Variants in KCND2 observed in about 807,000 individuals in gnomAD.
The protein encoded by KCND2 is A-type voltage-gated potassium channel KCND2.
In KCND2, 16 loss-of-function variants were observed where a neutral mutation model predicts 54.4. That is an observed-to-expected ratio of 0.29 (90% CI 0.20 to 0.45). The LOEUF is 0.45. Among genes scored for constraint, KCND2 ranks in the 20% least tolerant of loss-of-function variants. The pLI is 1.00. For missense variants in KCND2, 486 were observed against 824.2 expected (o/e 0.59, Z 5.02); for synonymous variants, 317 against 310.7 (o/e 1.02, Z -0.21).
intron 1 of KCND2, among the ~76,000 whole-genome samples, chr7:120,673,436 C>T (rs1396913949): frequency 2.6e-5 from 4 of 152,008 alleles, no homozygotes; most frequent in Admixed American, 2.6e-4. Flanking sequence ...ATACAGCTTC[C>T]CAACCAGTTT....
chr7:120,432,439 G>A (rs1004069580), intron 1 of KCND2, among the ~76,000 whole-genome samples: 1 of 151,962 alleles, frequency 6.6e-6, no homozygotes, highest in Non-Finnish European at 1.5e-5. Context: ...TTTTGGGGAG[G>A]CATGTGGTAA....
intron 1 of KCND2, among the ~76,000 whole-genome samples, chr7:120,553,566 C>T (rs867398578): frequency 2.0e-5 from 3 of 152,094 alleles, no homozygotes; most frequent in Admixed American, 6.6e-5. Context: ...TCTTGCAATA[C>T]CTTCTGTATA....
chr7:120,591,455 A>G (rs912249102), intron 1 of KCND2, among the ~76,000 whole-genome samples: 1 of 152,222 alleles, frequency 6.6e-6, no homozygotes, highest in Non-Finnish European at 1.5e-5. Context: ...GAAGATAATA[A>G]CACCACTACA....
At chr7:120,417,728 A>G (rs1801544789) in intron 1 of KCND2, among the ~76,000 whole-genome samples, 2 of 152,226 alleles carry the variant, frequency 1.3e-5, no homozygotes, top group East Asian at 3.9e-4. Flanking sequence ...AAGCTCAGCT[A>G]AGAATACATC....
chr7:120,587,871 C>T (rs1792619844), intron 1 of KCND2, among the ~76,000 whole-genome samples: 1 of 152,164 alleles, frequency 6.6e-6, no homozygotes, highest in Admixed American at 6.5e-5. Context: ...TTCATAAATT[C>T]AACAGGCACC....
At chr7:120,485,346 TA>T (rs1802678289) in intron 1 of KCND2, among the ~76,000 whole-genome samples, 1 of 152,202 alleles carries the variant, frequency 6.6e-6, no homozygotes, top group Non-Finnish European at 1.5e-5. Flanking sequence ...TGCCCAGAGT[TA>T]ATTATCCTGG....
intron 1 of KCND2, among the ~76,000 whole-genome samples, chr7:120,286,976 G>A (rs1357548954): frequency 2.0e-5 from 3 of 151,864 alleles, no homozygotes; most frequent in Non-Finnish European, 4.4e-5. Flanking sequence ...AATTCCTGGT[G>A]GACAAAGAAA....
chr7:120,426,911 C>T (rs970359458), intron 1 of KCND2, among the ~76,000 whole-genome samples: 5 of 152,134 alleles, frequency 3.3e-5, no homozygotes, highest in East Asian at 1.9e-4. Flanking sequence ...TGAGCCACCG[C>T]GCCCGGCCCA....
At chr7:120,512,290 TGTG>T (rs888429056) in intron 1 of KCND2, among the ~76,000 whole-genome samples, 55 of 152,172 alleles carry the variant, frequency 3.6e-4, no homozygotes, top group African/African-American at 1.3e-3. Flanking sequence ...TAAGTAATAA[TGTG>T]GTAAGTATAT....
At chr7:120,511,794 T>C (rs752074610) in intron 1 of KCND2, among the ~76,000 whole-genome samples, 38 of 152,130 alleles carry the variant, frequency 2.5e-4, no homozygotes, top group Non-Finnish European at 4.6e-4. Context: ...AAGATACTAA[T>C]TTAGAGTTAT....
At chr7:120,588,577 G>A (rs750885829) in intron 1 of KCND2, among the ~76,000 whole-genome samples, 2 of 152,096 alleles carry the variant, frequency 1.3e-5, no homozygotes, top group African/African-American at 2.4e-5. Context: ...TCACCCTGCT[G>A]TTTACTGGGG....
chr7:120,547,110 A>G (rs572030729), intron 1 of KCND2, among the ~76,000 whole-genome samples: 1 of 152,132 alleles, frequency 6.6e-6, no homozygotes, highest in South Asian at 2.1e-4. Flanking sequence ...TAAAGTATAA[A>G]ATATATGTAG....
intron 1 of KCND2, among the ~76,000 whole-genome samples, chr7:120,369,370 A>G (rs1475463873): frequency 1.3e-5 from 2 of 152,062 alleles, no homozygotes; most frequent in Non-Finnish European, 2.9e-5. Context: ...TACTATTTTA[A>G]TCTTCAAAAA....
chr7:120,682,840 A>C (rs1387735978), intron 1 of KCND2, among the ~76,000 whole-genome samples: 2 of 152,180 alleles, frequency 1.3e-5, no homozygotes, highest in Non-Finnish European at 2.9e-5. Context: ...CAGCAACTTA[A>C]GAATGCTTGT....
chr7:120,440,517 C>T (rs1421072772), intron 1 of KCND2, among the ~76,000 whole-genome samples: 1 of 151,910 alleles, frequency 6.6e-6, no homozygotes, highest in African/African-American at 2.4e-5. Context: ...TCTATGTTGG[C>T]TTTTTTAGTC....
At position 120,650,644 on chromosome 7, in the gene KCND2, T is replaced by C. The variant is rs1183148313; in HGVS notation, c.1116-82259T>C. On this transcript the variant is annotated intron_variant, in intron 1 of 5. Transcript: ENST00000331113. ...AAAGTCATTCTCTGTCCAGCTTTGT[T>C]CCATTGCTGGCGAGGAGCTGCGTTC... 2.8e-5 allele frequency among the ~76,000 whole-genome samples: 4 copies of C among 144,144 alleles called. 1 individual carries two copies. The highest frequency in any genetic ancestry group is 5.4e-5 in the African/African-American group (2 of 36,896). 94.6% of individuals were successfully genotyped at this position (144,144 alleles called of 152,430 possible). A position where few individuals can be genotyped will look rare whatever the true frequency, so the allele number is the denominator to read the frequency against.
intron 1 of KCND2, among the ~76,000 whole-genome samples, chr7:120,449,051 C>T (rs140231565): frequency 1.3e-4 from 20 of 152,230 alleles, no homozygotes; most frequent in African/African-American, 4.6e-4. Context: ...TTTTCTCAGC[C>T]AGGCGCGGTG....
chr7:120,645,675 T>C (rs1352621312), intron 1 of KCND2, among the ~76,000 whole-genome samples: 3 of 150,876 alleles, frequency 2.0e-5, no homozygotes, highest in Non-Finnish European at 4.4e-5. Context: ...CCACTGACAA[T>C]TGGCATGCTA....
intron 1 of KCND2, among the ~76,000 whole-genome samples, chr7:120,636,321 A>G (rs1262331812): frequency 6.6e-6 from 1 of 152,094 alleles, no homozygotes; most frequent in African/African-American, 2.4e-5. Context: ...AGGTTTACTT[A>G]AAGGAAGAAC....
Sources: allele counts gnomAD v4.1 joint callset (sites outside exome capture counted in the v4.1 genomes callset), GRCh38; gene constraint gnomAD v4.1.1; transcripts MANE v1.5; gene names NCBI Gene and HGNC (gene_info 2026-07-23, HGNC 2026-07-21).